MAGEA1: variants seen among roughly 807,000 people sequenced by gnomAD.
MAGEA1 encodes the protein melanoma-associated antigen 1.
For synonymous variants in MAGEA1, 101 were observed against 96.7 expected, an observed-to-expected ratio of 1.04 and a Z score of -0.26; for missense variants, 182 against 233.7, an observed-to-expected ratio of 0.78 and a Z score of 1.44.
At chrX:153,181,482 C>T (rs1278658764) in intron 1 of MAGEA1, among the ~76,000 whole-genome samples, 3 of 111,605 alleles carry the variant, frequency 2.7e-5, no homozygotes, top group Admixed American at 9.4e-5. Flanking sequence ...GAGGTCCTTC[C>T]GTTATCCTGG....
chrX:153,183,316 C>A lies in MAGEA1; in HGVS notation c.927C>A (p.Val309=). 8.3e-7 allele frequency: 1 copy of A among 1,204,617 alleles called. No homozygotes were observed. ...CTTTGAGAGAGGAGGAAGAGGGAGT[C>A]TGAGCATGAGTTGCAGCCAAGGCCA... ...EAALREEEEG[V] is the part of the protein sequence containing the mutation. Residue 309 remains valine, a synonymous_variant, in exon 3 of 3, where the codon GTC becomes GTA. Coordinates refer to ENST00000356661, the MANE Select transcript of MAGEA1 (RefSeq NM_004988.5).
chrX:153,182,335 C>T lies in MAGEA1; in HGVS notation c.-55C>T. On this transcript the variant is annotated 5_prime_UTR_variant, in exon 3 of 3. Coordinates refer to ENST00000356661, the MANE Select transcript of MAGEA1 (RefSeq NM_004988.5). The stretch of plus-strand genomic sequence containing the variant: ...TCCCTCTCTCCCCAGGCCTGTGGGT[C>T]TTCATTGCCCAGCTCCTGCCCACAC... 1.8e-6 allele frequency: 2 copies of T among 1,104,862 alleles called. No homozygotes were observed. Among genetic ancestry groups the T allele is most frequent in the Admixed American group, 2.2e-5 (1 of 45,996 alleles). The allele number at this position is 1,104,862 out of a possible 1,213,427, so 91.1% of individuals were successfully genotyped here. A position where few individuals can be genotyped will look rare whatever the true frequency, so the allele number is the denominator to read the frequency against.
At position 153,182,682 on chromosome X, in the gene MAGEA1, T is replaced by A. The variant is rs1556944129; in HGVS notation, c.293T>A (p.Phe98Tyr). 1 of 1,212,011 alleles carries A rather than the reference T, an allele frequency of 8.3e-7. No homozygotes were observed. ...PSTSCILESL[F>Y]RAVITKKVAD... ...ACCTCTTGTATCCTGGAGTCCTTGT[T>A]CCGAGCAGTAATCACTAAGAAGGTG... Residue 98 changes from phenylalanine to tyrosine, a missense_variant, in exon 3 of 3, where the codon TTC becomes TAC. Coordinates refer to ENST00000356661, the MANE Select transcript of MAGEA1 (RefSeq NM_004988.5).
chrX:153,179,803 G>T (rs986693627), intron 1 of MAGEA1, among the ~76,000 whole-genome samples: 1 of 103,600 alleles, frequency 9.7e-6, no homozygotes, highest in Non-Finnish European at 2.0e-5. Flanking sequence ...CAACCCTTCT[G>T]CCACCTCACC....
chrX:153,180,157 A>G (rs2051485268), intron 1 of MAGEA1, among the ~76,000 whole-genome samples: 2 of 111,008 alleles, frequency 1.8e-5, no homozygotes, highest in Non-Finnish European at 3.8e-5. Flanking sequence ...GCCAGGACAG[A>G]TGTCTCAGCT....
rs2233044 is a variant in MAGEA1 at position 153,182,576 on chromosome X, G to A, written c.187G>A (p.Ala63Thr). The change falls in exon 3 of 3, where the codon GCC (alanine) becomes ACC (threonine). Residue 63 changes from alanine (A) to threonine (T), a missense_variant. Ala to Thr is a moderately conservative substitution (Grantham distance 58). Coordinates refer to ENST00000356661, the MANE Select transcript of MAGEA1 (RefSeq NM_004988.5). The stretch of plus-strand genomic sequence containing the variant: ...TCCCCAGAGTCCTCAGGGAGCCTCC[G>A]CCTTTCCCACTACCATCAACTTCAC... ...DPPQSPQGASAFPTTINFTRQ... is the reference protein window; with the variant it reads ...DPPQSPQGASTFPTTINFTRQ... The A allele has an allele frequency of 0.025, 30,304 of 1,209,553 alleles. 317 individuals carry two copies. Among genetic ancestry groups the A allele is most frequent in the Non-Finnish European group, 0.03 (26,518 of 895,015 alleles).
At position 153,182,213 on chromosome X, in the gene MAGEA1, C is replaced by G. The variant is rs2051497839; in HGVS notation, c.-102C>G. ...ACAGGCCAACCCAGAGGACAGGATT[C>G]CCTGGAGGCCACAGAGGAGCACCAA... On this transcript the variant is annotated 5_prime_UTR_variant, in exon 2 of 3. Coordinates refer to ENST00000356661, the MANE Select transcript of MAGEA1 (RefSeq NM_004988.5). 1 of 1,015,817 alleles carries G rather than the reference C, an allele frequency of 9.8e-7. No homozygotes were observed. Among genetic ancestry groups the G allele is most frequent in the Admixed American group, 2.2e-5 (1 of 45,625 alleles). The allele number at this position is 1,015,817 out of a possible 1,213,427, so 83.7% of individuals were successfully genotyped here. A position where few individuals can be genotyped will look rare whatever the true frequency, so the allele number is the denominator to read the frequency against.
chrX:153,181,218 G>A (rs1032037294), intron 1 of MAGEA1, among the ~76,000 whole-genome samples: 2 of 111,749 alleles, frequency 1.8e-5, no homozygotes, highest in African/African-American at 6.5e-5. Flanking sequence ...ACCTCACCCA[G>A]GATGTGGCTT....
intron 1 of MAGEA1, among the ~76,000 whole-genome samples, chrX:153,180,446 C>T (rs191655810): frequency 6.3e-5 from 7 of 111,574 alleles, no homozygotes; most frequent in Non-Finnish European, 1.3e-4. Flanking sequence ...CCACGGAAGC[C>T]ACGGGAATGG....
chrX:153,180,367 C>T (rs1218126666), intron 1 of MAGEA1, among the ~76,000 whole-genome samples: 1 of 111,229 alleles, frequency 9.0e-6, no homozygotes, highest in Non-Finnish European at 1.9e-5. Context: ...TCTCCACCGC[C>T]ACCCCACTCA....
Position 153,182,789 on chromosome X carries a change from A to C in MAGEA1, c.400A>C (p.Lys134Gln). The C allele has an allele frequency of 1.7e-6, 2 of 1,211,926 alleles. No homozygotes were observed. The highest frequency in any genetic ancestry group is 1.7e-5 in the African/African-American group (1 of 57,828). The stretch of plus-strand genomic sequence containing the variant: ...GGCAGAAATGCTGGAGAGTGTCATC[A>C]AAAATTACAAGCACTGTTTTCCTGA... ...TKAEMLESVI[K>Q]NYKHCFPEIF... The change falls in exon 3 of 3, where the codon AAA becomes CAA. Residue 134 changes from lysine to glutamine, a missense_variant. Physicochemically the swap from Lys to Gln is moderately conservative, Grantham distance 53 (BLOSUM62 1). Transcript: ENST00000356661.
At chrX:153,182,144 G>A (rs782702137) in intron 1 of MAGEA1, 33 bp from the exon 2 acceptor site, 23 of 643,271 alleles carry the variant, frequency 3.6e-5, no homozygotes, top group Non-Finnish European at 5.2e-5. Flanking sequence ...CTGGCCGGCT[G>A]TACCCTGAGT....
chrX:153,183,241 C>A lies in MAGEA1; in HGVS notation c.852C>A (p.Ile284=). 8.2e-6 allele frequency: 10 copies of A among 1,212,237 alleles called. No homozygotes were observed. Among genetic ancestry groups the A allele is most frequent in the Non-Finnish European group, 1.1e-5 (10 of 895,609 alleles). Residue 284 remains isoleucine (I), a synonymous_variant, in exon 3 of 3, where the codon ATC becomes ATA. Coordinates refer to ENST00000356661, the MANE Select transcript of MAGEA1 (RefSeq NM_004988.5). The stretch of plus-strand genomic sequence containing the variant: ...ATGTGAAAGTCCTTGAGTATGTGAT[C>A]AAGGTCAGTGCAAGAGTTCGCTTTT... The part of the protein sequence containing the change: ...TSYVKVLEYV[I]KVSARVRFFF...
chrX:153,182,303 C>T, intron 2 of MAGEA1, 22 bp from the exon 3 acceptor site: 1 of 1,003,335 alleles, frequency 1.0e-6, no homozygotes, highest in South Asian at 1.9e-5. Context: ...TGAGGCCTCT[C>T]ACACACTCCC....
rs376635182 is a variant in MAGEA1 at position 153,183,282 on chromosome X, G to A, written c.893G>A (p.Arg298His). 3.1e-5 allele frequency: 37 copies of A among 1,209,411 alleles called. No homozygotes were observed. The highest frequency in any genetic ancestry group is 3.5e-5 in the African/African-American group (2 of 57,335). The part of the protein sequence containing the change: ...ARVRFFFPSL[R>H]EAALREEEEG... ...GTTCGCTTTTTCTTCCCATCCCTGC[G>A]TGAAGCAGCTTTGAGAGAGGAGGAA... Residue 298 changes from arginine (R) to histidine (H), a missense_variant, in exon 3 of 3, where the codon CGT becomes CAT. Transcript: ENST00000356661.
Position 153,183,167 on chromosome X carries a change from G to A in MAGEA1, c.778G>A (p.Ala260Thr), listed in dbSNP as rs1450308862. ...EYRQVPDSDPARYEFLWGPRA... is the reference protein window; with the variant it reads ...EYRQVPDSDPTRYEFLWGPRA... The stretch of plus-strand genomic sequence containing the variant: ...CCGGCAGGTGCCGGACAGTGATCCC[G>A]CACGCTATGAGTTCCTGTGGGGTCC... Residue 260 changes from alanine to threonine, a missense_variant, in exon 3 of 3, where the codon GCA becomes ACA. By Grantham distance (58) the Ala-to-Thr change is moderately conservative (BLOSUM62 0). Transcript: ENST00000356661. 8 of 1,210,875 alleles carry A rather than the reference G, an allele frequency of 6.6e-6. No individual in the cohort carries two copies. Among genetic ancestry groups the A allele is most frequent in the Middle Eastern group, 2.3e-4 (1 of 4,374 alleles).
chrX:153,180,237 C>G (rs938390086), intron 1 of MAGEA1, among the ~76,000 whole-genome samples: 1 of 111,342 alleles, frequency 9.0e-6, no homozygotes, highest in Non-Finnish European at 1.9e-5. Context: ...CTTATGTGAC[C>G]GGGGCAGGGT....
chrX:153,183,541 T>C lies in MAGEA1; in HGVS notation c.*222T>C. On this transcript the variant is annotated 3_prime_UTR_variant, in exon 3 of 3. Coordinates refer to ENST00000356661, the MANE Select transcript of MAGEA1 (RefSeq NM_004988.5). ...TCAAATGTTTTTTTTTAAGGGATGG[T>C]TGAATGAACTTCAGCATCCAAGTTT... 2.3e-6 allele frequency: 1 copy of C among 432,846 alleles called. No homozygotes were observed. The highest frequency in any genetic ancestry group is 4.2e-6 in the Non-Finnish European group (1 of 239,098). 35.7% of individuals were successfully genotyped at this position (432,846 alleles called of 1,213,427 possible).
intron 1 of MAGEA1, among the ~76,000 whole-genome samples, chrX:153,181,919 C>T (rs111541002): frequency 0.013 from 1,409 of 111,175 alleles, 8 homozygotes; most frequent in Non-Finnish European, 0.02. Flanking sequence ...CCTGAGGGCC[C>T]GTGGATTCCT....
Sources: allele counts gnomAD v4.1 joint callset (sites outside exome capture counted in the v4.1 genomes callset), GRCh38; gene constraint gnomAD v4.1.1; transcripts MANE v1.5; gene names NCBI Gene and HGNC (gene_info 2026-07-23, HGNC 2026-07-21).